SEMA4F: variants seen among roughly 807,000 people sequenced by gnomAD.
SEMA4F encodes the protein ssemaphorin 4F, also known as semaphorin-4F.
SEMA4F carries 51 observed loss-of-function variants against 78.4 expected under a neutral mutation model. That is an observed-to-expected ratio of 0.65 (90% confidence interval 0.52 to 0.82). The LOEUF (loss-of-function observed/expected upper bound fraction) is 0.82. Among genes scored for constraint, SEMA4F ranks in the 40% least tolerant of loss-of-function variants. SEMA4F has a pLI of 0.00. For synonymous variants in SEMA4F, 418 were observed against 408.7 expected (o/e 1.02, Z -0.27); for missense variants, 938 against 1,014.4 (o/e 0.92, Z 1.02).
chr2:74,686,291 GGGTTTCACCGTGTTAGTCAGGAT>G (rs1350477337), downstream of SEMA4F, among the ~76,000 whole-genome samples: 19 of 152,098 alleles, frequency 1.2e-4, no homozygotes, highest in African/African-American at 4.1e-4. Context: ...AGTAGAGACG[GGGTTTCACCGTGTTAGTCAGGAT>G]GGTCTCAATC....
Position 74,679,454 on chromosome 2 carries a change from C to T in SEMA4F, c.1702+120C>T, listed in dbSNP as rs1685466685. ...TCCTGGAAGATGTGGCAGCCAGGAA[C>T]CTCGGGCCTTAGCCTCTTTAGGAAT... On this transcript the variant is annotated intron_variant, in intron 13 of 13. Coordinates refer to ENST00000357877, the MANE Select transcript of SEMA4F (RefSeq NM_004263.5). 2.7e-6 allele frequency: 4 copies of T among 1,478,684 alleles called. No individual in the cohort carries two copies. The Admixed American group carries it at 5.2e-5, about 19-fold the overall frequency. The allele number at this position is 1,478,684 out of a possible 1,614,324, so 91.6% of individuals were successfully genotyped here.
the SEMA4F span, among the ~76,000 whole-genome samples, chr2:74,701,973 G>A: frequency 1.3e-5 from 2 of 152,096 alleles, no homozygotes; most frequent in Admixed American, 6.5e-5. Context: ...AGTTCCAGTG[G>A]GACCCCGATG....
At chr2:74,704,695 G>A in the SEMA4F span, among the ~76,000 whole-genome samples, 5 of 152,004 alleles carry the variant, frequency 3.3e-5, 1 homozygote, top group Admixed American at 1.3e-4. Context: ...ACCAATGCGG[G>A]CTGGATTCAC....
Position 74,673,679 on chromosome 2 carries a change from C to G in SEMA4F, c.673C>G (p.Pro225Ala). The part of the protein sequence containing the change: ...TDTLPSWLNA[P>A]AFVAAVALSP... ...TCTGAGGCCACTGGTATTCCCAGCCCCAGCCTTTGTCGCAGCCGTGGCCTT... is the reference window on the plus strand; with the variant it reads ...TCTGAGGCCACTGGTATTCCCAGCCGCAGCCTTTGTCGCAGCCGTGGCCTT... The change falls in exon 7 of 14, where the codon CCA becomes GCA. Residue 225 changes from proline to alanine, a missense_variant and splice_region_variant. Pro to Ala is a conservative substitution (Grantham distance 27). Coordinates refer to ENST00000357877, the MANE Select transcript of SEMA4F (RefSeq NM_004263.5). 6.2e-7 allele frequency: 1 copy of G among 1,613,778 alleles called. No individual in the cohort carries two copies. The highest frequency in any genetic ancestry group is 8.5e-7 in the Non-Finnish European group (1 of 1,179,766).
chr2:74,658,404 C>T lies in SEMA4F; in HGVS notation c.456+453C>T, dbSNP rs975659453. 4.6e-5 allele frequency among the ~76,000 whole-genome samples: 7 copies of T among 152,240 alleles called. No homozygotes were observed. Among genetic ancestry groups the T allele is most frequent in the African/African-American group, 1.4e-4 (6 of 41,456 alleles). ...ATGTGACTGTCTCTTACCACCTTCTCCTACTTCCACTGCCAACCTCATTGT... is the reference window on the plus strand; with the variant it reads ...ATGTGACTGTCTCTTACCACCTTCTTCTACTTCCACTGCCAACCTCATTGT... On this transcript the variant is annotated intron_variant, in intron 4 of 13. Transcript: ENST00000357877. The surrounding 1 kb of genome is among the most constrained non-coding windows in gnomAD (Gnocchi z 4.3).
Position 74,670,527 on chromosome 2 carries a change from A to G in SEMA4F, c.551-2930A>G, listed in dbSNP as rs192441644. On this transcript the variant is annotated intron_variant, in intron 5 of 13. Transcript: ENST00000357877. ...TCACTTAGGAAGTTTTGTGACCTCT[A>G]TCTACTGCTGTGTCTTTGCATGGTT... Among the ~76,000 whole-genome samples the G allele has an allele frequency of 7.9e-4, 120 of 152,258 alleles. No homozygotes were observed. The Middle Eastern group carries it at 0.01, about 13-fold the overall frequency.
At chr2:74,676,358 C>T (rs964880449) in intron 12 of SEMA4F, among the ~76,000 whole-genome samples, 2 of 152,188 alleles carry the variant, frequency 1.3e-5, no homozygotes, top group Admixed American at 6.5e-5. Flanking sequence ...CGTTCATGCA[C>T]TCTCTAGGCA....
chr2:74,658,191 G>C lies in SEMA4F; in HGVS notation c.456+240G>C, dbSNP rs1407778144. The stretch of plus-strand genomic sequence containing the variant: ...GGAGAGGGTAAGATATACAAAGTGT[G>C]AAGAGAGACATAGTGGGATAGTTAA... On this transcript the variant is annotated intron_variant, in intron 4 of 13. Coordinates refer to ENST00000357877, the MANE Select transcript of SEMA4F (RefSeq NM_004263.5). This position sits in a 1 kb window ranked among gnomAD's most constrained non-coding sequence, Gnocchi z 4.3. 6.6e-6 allele frequency among the ~76,000 whole-genome samples: 1 copy of C among 152,194 alleles called. No homozygotes were observed. The highest frequency in any genetic ancestry group is 1.5e-5 in the Non-Finnish European group (1 of 68,036).
At position 74,679,964 on chromosome 2, in the gene SEMA4F, A is replaced by G. The variant is rs1022590782; in HGVS notation, c.2068A>G (p.Arg690Gly). The G allele has an allele frequency of 8.1e-6, 13 of 1,614,086 alleles. No individual in the cohort carries two copies. The highest frequency in any genetic ancestry group is 1.1e-5 in the Non-Finnish European group (13 of 1,180,034). ...TCGGCGTCAGCAGCGACGGCGACAG[A>G]GGGAACTTCTGGCTAGAGACAAGGT... ...IGRRQQRRRQ[R>G]ELLARDKVGL... Residue 690 changes from arginine (R) to glycine (G), a missense_variant, in exon 14 of 14, where the codon AGG becomes GGG. By Grantham distance (125) the Arg-to-Gly change is moderately radical. Coordinates refer to ENST00000357877, the MANE Select transcript of SEMA4F (RefSeq NM_004263.5).
At chr2:74,693,182 C>A in the SEMA4F span, among the ~76,000 whole-genome samples, 1 of 152,124 alleles carries the variant, frequency 6.6e-6, no homozygotes, top group Non-Finnish European at 1.5e-5. Context: ...GGTACTTTTC[C>A]ACAATAAAAT....
downstream of SEMA4F, among the ~76,000 whole-genome samples, chr2:74,686,848 C>T (rs929317292): frequency 4.3e-5 from 6 of 138,236 alleles, no homozygotes; most frequent in South Asian, 2.3e-4. Context: ...GGACACAGGG[C>T]GGGGAACATC....
chr2:74,659,373 G>A (rs1267311163), intron 4 of SEMA4F, among the ~76,000 whole-genome samples: 7 of 152,180 alleles, frequency 4.6e-5, no homozygotes, highest in Admixed American at 4.6e-4. Context: ...TCTCTGAGGT[G>A]GGACTCTAGT....
the SEMA4F span, among the ~76,000 whole-genome samples, chr2:74,692,458 GC>G: frequency 6.6e-6 from 1 of 152,180 alleles, no homozygotes; most frequent in Non-Finnish European, 1.5e-5. Flanking sequence ...ATGACCTTCA[GC>G]CCCATTGTGG....
intron 13 of SEMA4F, 55 bp from the exon 14 acceptor site, chr2:74,679,544 T>TCA (rs1237165043): frequency 3.2e-5 from 49 of 1,554,216 alleles, no homozygotes; most frequent in Non-Finnish European, 4.0e-5. Context: ...CTTTTCTTCA[T>TCA]CACACCTCCA....
At chr2:74,707,537 G>A in the SEMA4F span, among the ~76,000 whole-genome samples, 1 of 150,552 alleles carries the variant, frequency 6.6e-6, no homozygotes, top group South Asian at 2.1e-4. Context: ...GAAGACTTCT[G>A]CTTCTGGCCA....
chr2:74,677,209 C>T (rs1685340140), intron 12 of SEMA4F, among the ~76,000 whole-genome samples: 1 of 152,138 alleles, frequency 6.6e-6, no homozygotes, highest in South Asian at 2.1e-4. Context: ...GCCCAGGACT[C>T]TTAAAAACAT....
In SEMA4F at chr2:74,679,770, C is replaced by T. The variant is rs1558737159; in HGVS notation, c.1874C>T (p.Ala625Val). ...GTGGTGACCCCAGGGGCCATGGGCG[C>T]TTATGCCTGTGAATGTCAGGAGGGT... Reference protein sequence around the residue: ...EVVVTPGAMGAYACECQEGGA... With the variant: ...EVVVTPGAMGVYACECQEGGA... Residue 625 changes from alanine (A) to valine (V), a missense_variant, in exon 14 of 14, where the codon GCT becomes GTT. Physicochemically the swap from Ala to Val is moderately conservative, Grantham distance 64. Coordinates refer to ENST00000357877, the MANE Select transcript of SEMA4F (RefSeq NM_004263.5). 3 of 1,614,196 alleles carry T rather than the reference C, an allele frequency of 1.9e-6. No homozygotes were observed. The highest frequency in any genetic ancestry group is 2.5e-6 in the Non-Finnish European group (3 of 1,180,034).
intron 7 of SEMA4F, 85 bp downstream of exon 7, chr2:74,673,913 T>C: frequency 6.9e-7 from 1 of 1,456,710 alleles, no homozygotes; most frequent in Non-Finnish European, 9.3e-7. Flanking sequence ...GTCTCTGTCT[T>C]TGAATCTCTC....
chr2:74,657,762 A>G, intron 3 of SEMA4F, 91 bp from the exon 4 acceptor site: 1 of 1,405,904 alleles, frequency 7.1e-7, no homozygotes, highest in Non-Finnish European at 1.0e-6. Flanking sequence ...ATCATCTCTG[A>G]TCCCAAAGCT....
Sources: gnomAD v4.1 joint callset for allele counts (sites outside exome capture counted in the v4.1 genomes callset) on GRCh38, gnomAD v4.1.1 for gene constraint, Gnocchi (gnomAD v3.1) non-coding constraint, MANE v1.5 for transcripts, NCBI Gene and HGNC (gene_info 2026-07-23, HGNC 2026-07-21) for gene names.